SMU1: variants seen among roughly 807,000 people sequenced by gnomAD.
SMU1 encodes SMU1 DNA replication regulator and spliceosomal factor, also known as WD40 repeat-containing protein SMU1.
A neutral mutation model predicts 62.0 loss-of-function variants in SMU1; 2 were observed. That is an observed-to-expected ratio of 0.03 (90% CI 0.01 to 0.10). The LOEUF (loss-of-function observed/expected upper bound fraction) is 0.10, where lower values mean the gene tolerates loss of function less well. SMU1 is among the 10% of genes least tolerant of loss of function. The pLI, the probability that SMU1 is intolerant of heterozygous loss-of-function variation, is 1.00. For missense variants in SMU1, 227 were observed against 622.1 expected (o/e 0.36, Z 6.76); for synonymous variants, 188 against 212.4 (o/e 0.89, Z 1.00).
intron 2 of SMU1, among the ~76,000 whole-genome samples, chr9:33,072,989 G>A (rs1311589817): frequency 1.3e-5 from 2 of 152,098 alleles, no homozygotes; most frequent in African/African-American, 4.8e-5. Context: ...GAGCTTCTTG[G>A]AATTTGACCA....
At position 33,060,459 on chromosome 9, in the gene SMU1, C is replaced by T. The variant is rs138927689; in HGVS notation, c.750+6G>A. 6.3e-7 allele frequency: 1 copy of T among 1,595,762 alleles called. No homozygotes were observed. Among genetic ancestry groups the T allele is most frequent in the African/African-American group, 1.4e-5 (1 of 73,700 alleles). ...TAGGAAGGTTAACACATTTAAAATA[C>T]TTTACCTTTCTGATTTTTCCAGTAG... On this transcript the variant is annotated splice_donor_region_variant and intron_variant, in intron 6 of 11. Transcript: ENST00000397149.
chr9:33,062,340 C>T (rs1054665238), intron 4 of SMU1, 163 bp from the exon 5 acceptor site: 9 of 423,084 alleles, frequency 2.1e-5, no homozygotes, highest in African/African-American at 2.1e-5. Context: ...TCTGTGCTCC[C>T]CTGTGTGTCC....
chr9:33,054,191 T>TA (rs1356946497), intron 9 of SMU1, among the ~76,000 whole-genome samples: 3 of 151,492 alleles, frequency 2.0e-5, no homozygotes, highest in Non-Finnish European at 4.4e-5. Context: ...TTTTTTTTTT[T>TA]AAAGAGATGA....
At chr9:33,076,369 A>G (rs749273885) in intron 1 of SMU1, among the ~76,000 whole-genome samples, 2 of 151,930 alleles carry the variant, frequency 1.3e-5, no homozygotes, top group Non-Finnish European at 2.9e-5. Flanking sequence ...CACCCGTGCC[A>G]CCTCCCTCGA....
rs1195337328 is a variant in SMU1 at position 33,046,791 on chromosome 9, G to A, written c.*502C>T. 1 of 153,108 alleles carries A rather than the reference G, an allele frequency of 6.5e-6. No homozygotes were observed. Among genetic ancestry groups the A allele is most frequent in the African/African-American group, 2.4e-5 (1 of 41,348 alleles). The allele number at this position is 153,108 out of a possible 1,614,324, so 9.5% of individuals were successfully genotyped here. A position where few individuals can be genotyped will look rare whatever the true frequency, so the allele number is the denominator to read the frequency against. ...ACCTGTAGTCCCCAGCTACTCGGGA[G>A]GCTGAGGCAAGAGAATCGCTTGAAC... On this transcript the variant is annotated 3_prime_UTR_variant, in exon 12 of 12. Coordinates refer to ENST00000397149, the MANE Select transcript of SMU1 (RefSeq NM_018225.3).
intron 10 of SMU1, among the ~76,000 whole-genome samples, chr9:33,052,528 G>C (rs1387852246): frequency 6.6e-6 from 1 of 151,974 alleles, no homozygotes; most frequent in East Asian, 1.9e-4. Context: ...CCAGCCCCTG[G>C]GTCTTCTCTA....
Position 33,047,213 on chromosome 9 carries a change from A to C in SMU1, c.*80T>G, listed in dbSNP as rs2274768. ...AATCTATTTGCTTAGAAAAGCTGGC[A>C]AAAAAAAAAAAAAGCACATTACATG... On this transcript the variant is annotated 3_prime_UTR_variant, in exon 12 of 12. Transcript: ENST00000397149. 75,609 of 360,338 alleles carry C rather than the reference A, an allele frequency of 0.21. 1,761 individuals are homozygous for C. Among genetic ancestry groups the C allele is most frequent in the East Asian group, 0.41 (7,988 of 19,688 alleles). The allele number at this position is 360,338 out of a possible 1,614,324, so 22.3% of individuals were successfully genotyped here.
chr9:33,058,977 C>T (rs771009226), intron 6 of SMU1, among the ~76,000 whole-genome samples: 1 of 151,972 alleles, frequency 6.6e-6, no homozygotes, highest in Non-Finnish European at 1.5e-5. Flanking sequence ...TAACAGACTT[C>T]ATAGTGTAAG....
intron 3 of SMU1, among the ~76,000 whole-genome samples, chr9:33,071,208 G>A (rs187760494): frequency 1.3e-5 from 2 of 152,110 alleles, no homozygotes; most frequent in African/African-American, 4.8e-5. Context: ...AAAAGGCTGG[G>A]GGGGTGGGCA....
chr9:33,074,514 G>T (rs1435684628), intron 1 of SMU1, among the ~76,000 whole-genome samples: 1 of 152,148 alleles, frequency 6.6e-6, no homozygotes, highest in Non-Finnish European at 1.5e-5. Context: ...GGAAGCTGGG[G>T]TGGGAGGATT....
chr9:33,076,112 T>C (rs561963022), intron 1 of SMU1, among the ~76,000 whole-genome samples: 2 of 152,074 alleles, frequency 1.3e-5, no homozygotes, highest in African/African-American at 4.8e-5. Flanking sequence ...TAGTTTGGGG[T>C]GAGGTTATCA....
chr9:33,066,135 C>G (rs1244107561), intron 4 of SMU1, among the ~76,000 whole-genome samples: 1 of 152,148 alleles, frequency 6.6e-6, no homozygotes, highest in Non-Finnish European at 1.5e-5. Flanking sequence ...TCTTTCCAAC[C>G]ACCCAACCTG....
At position 33,060,747 on chromosome 9, in the gene SMU1, G is replaced by A. The variant is rs576383883; in HGVS notation, c.631-163C>T. 94 of 406,896 alleles carry A rather than the reference G, an allele frequency of 2.3e-4. 2 individuals carry two copies. In the South Asian group the frequency reaches 8.7e-3, roughly 38 times the overall value. The allele number at this position is 406,896 out of a possible 1,614,324, so 25.2% of individuals were successfully genotyped here. ...TCTGTACCTGGACGCAGGGAGCTGGGTGGATGTATTTTTCTCTGACTTAGT... is the reference window on the plus strand; with the variant it reads ...TCTGTACCTGGACGCAGGGAGCTGGATGGATGTATTTTTCTCTGACTTAGT... On this transcript the variant is annotated intron_variant, in intron 5 of 11. Transcript: ENST00000397149.
chr9:33,061,168 C>T (rs1296465163), intron 5 of SMU1, among the ~76,000 whole-genome samples: 5 of 152,022 alleles, frequency 3.3e-5, no homozygotes, highest in African/African-American at 1.2e-4. Flanking sequence ...AGGATGCTCC[C>T]AATAACAGAT....
intron 5 of SMU1, among the ~76,000 whole-genome samples, chr9:33,061,381 A>G (rs1421819322): frequency 3.3e-5 from 5 of 152,240 alleles, no homozygotes; most frequent in African/African-American, 9.6e-5. Flanking sequence ...GTTAGAATAT[A>G]TAATCCAGAA....
chr9:33,048,822 T>C (rs988030749), intron 10 of SMU1, among the ~76,000 whole-genome samples: 1 of 152,222 alleles, frequency 6.6e-6, no homozygotes, highest in African/African-American at 2.4e-5. Flanking sequence ...AGATCAGTGG[T>C]TGCCAAGGGT....
At position 33,072,326 on chromosome 9, in the gene SMU1, G is replaced by T. The variant is rs562920567; in HGVS notation, c.238-434C>A. ...TACTCTGGCCTGGGCGACAGAGCGA[G>T]ATCTGTCTCAATAAATAAATAAATA... On this transcript the variant is annotated intron_variant, in intron 2 of 11. Coordinates refer to ENST00000397149, the MANE Select transcript of SMU1 (RefSeq NM_018225.3). Among the ~76,000 whole-genome samples the T allele has an allele frequency of 2.6e-5, 4 of 152,186 alleles. No homozygotes were observed. The East Asian group carries it at 5.8e-4, about 22-fold the overall frequency.
At chr9:33,052,991 A>T in intron 10 of SMU1, 132 bp downstream of exon 10, 1 of 753,342 alleles carries the variant, frequency 1.3e-6, no homozygotes, top group Non-Finnish European at 2.2e-6. Flanking sequence ...AATCTGAAAA[A>T]CAAATACAGC....
At chr9:33,072,292 A>G (rs560857104) in intron 2 of SMU1, among the ~76,000 whole-genome samples, 9 of 151,868 alleles carry the variant, frequency 5.9e-5, no homozygotes, top group Admixed American at 1.3e-4. Flanking sequence ...AGCCAAGCTC[A>G]TGCTACTGTA....
Sources: gnomAD v4.1 joint callset for allele counts (sites outside exome capture counted in the v4.1 genomes callset) on GRCh38, gnomAD v4.1.1 for gene constraint, MANE v1.5 for transcripts, NCBI Gene and HGNC (gene_info 2026-07-23, HGNC 2026-07-21) for gene names.